The following CTTNBP2NL variants were observed in gnomAD, a reference collection of about 807,000 sequenced individuals.
The protein encoded by CTTNBP2NL is CTTNBP2 N-terminal like.
A neutral mutation model predicts 32.5 loss-of-function variants in CTTNBP2NL; 16 were observed. That is an observed-to-expected ratio of 0.49 (90% CI 0.33 to 0.75). The LOEUF (loss-of-function observed/expected upper bound fraction) is 0.75, where lower values mean the gene tolerates loss of function less well. CTTNBP2NL is among the 30% of genes least tolerant of loss of function. CTTNBP2NL has a pLI of 0.02. For synonymous variants in CTTNBP2NL, 298 were observed against 289.4 expected, an observed-to-expected ratio of 1.03 and a Z score of -0.30; for missense variants, 645 against 756.0, an observed-to-expected ratio of 0.85 and a Z score of 1.72.
chr1:112,415,314 T>A (rs1221161482), intron 2 of CTTNBP2NL, among the ~76,000 whole-genome samples: 1 of 152,210 alleles, frequency 6.6e-6, no homozygotes, highest in Non-Finnish European at 1.5e-5. Context: ...TTAGCTATTG[T>A]CTGTGAAAGC....
At chr1:112,422,895 C>A (rs528013483) in intron 3 of CTTNBP2NL, among the ~76,000 whole-genome samples, 1 of 152,202 alleles carries the variant, frequency 6.6e-6, no homozygotes, top group South Asian at 2.1e-4. Flanking sequence ...TGGGCTCCAG[C>A]AATCCTCCAG....
chr1:112,441,939 T>G (rs1233232836), intron 3 of CTTNBP2NL, among the ~76,000 whole-genome samples: 2 of 152,128 alleles, frequency 1.3e-5, no homozygotes, highest in African/African-American at 4.8e-5. Flanking sequence ...AAAAAGAGAT[T>G]AGGATCTAAT....
rs546512668 is a variant in CTTNBP2NL, at chr1:112,412,233, A to G, written c.-94A>G. ...CCACCATGCTAATGGCATTTTAAAT[A>G]TATTTGGCAATTTTCCCAATTTTTT... On this transcript the variant is annotated 5_prime_UTR_variant, in exon 2 of 6. It adds an upstream start codon to the 5' untranslated region. Coordinates refer to ENST00000271277, the MANE Select transcript of CTTNBP2NL (RefSeq NM_018704.3). 3 of 152,194 alleles carry G rather than the reference A, an allele frequency of 2.0e-5. No individual in the cohort carries two copies. The highest frequency in any genetic ancestry group is 4.4e-5 in the Non-Finnish European group (3 of 68,032). The allele number at this position is 152,194 out of a possible 1,614,324, so 9.4% of individuals were successfully genotyped here. A position where few individuals can be genotyped will look rare whatever the true frequency, so the allele number is the denominator to read the frequency against.
rs56784970 is a variant in CTTNBP2NL at position 112,400,966 on chromosome 1, CAAAAAAA to C, written c.-134+4712_-134+4718del. On this transcript the variant is annotated intron_variant, in intron 1 of 5. Transcript: ENST00000271277. ...GGGTGACACAGCAAGACTCTGTCACCAAAAAAAAAAAAAAAAAAAAAAAAGGATTACA... is the reference window on the plus strand; with the variant it reads ...GGGTGACACAGCAAGACTCTGTCACCAAAAAAAAAAAAAAAAAGGATTACA... 1.7e-3 allele frequency among the ~76,000 whole-genome samples: 179 copies of C among 102,892 alleles called. 1 individual carries two copies. The highest frequency in any genetic ancestry group is 6.4e-3 in the African/African-American group (166 of 25,832). The allele number at this position is 102,892 out of a possible 152,430, so 67.5% of individuals were successfully genotyped here. A position where few individuals can be genotyped will look rare whatever the true frequency, so the allele number is the denominator to read the frequency against.
In CTTNBP2NL at chr1:112,457,397, G is replaced by T; in HGVS notation, c.1905G>T (p.Leu635Phe). The T allele has an allele frequency of 6.2e-7, 1 of 1,611,504 alleles. No individual in the cohort carries two copies. The highest frequency in any genetic ancestry group is 1.1e-5 in the South Asian group (1 of 90,750). Residue 635 changes from leucine to phenylalanine, a missense_variant, in exon 6 of 6, where the codon TTG (leucine) becomes TTT (phenylalanine). Physicochemically the swap from Leu to Phe is conservative, Grantham distance 22. Transcript: ENST00000271277. Reference protein sequence around the residue: ...VANGKDVELLLPTSS With the variant: ...VANGKDVELLFPTSS The stretch of plus-strand genomic sequence containing the variant: ...ATGGTAAGGATGTTGAGTTACTTTT[G>T]CCTACCAGCAGCTAGTCCCTAGGAG...
intron 3 of CTTNBP2NL, among the ~76,000 whole-genome samples, chr1:112,421,651 C>G (rs1041218572): frequency 4.6e-5 from 7 of 150,836 alleles, no homozygotes; most frequent in African/African-American, 1.7e-4. Context: ...GAAAGAAATA[C>G]TGATAATAGG....
intron 1 of CTTNBP2NL, among the ~76,000 whole-genome samples, chr1:112,401,479 C>T (rs1359526846): frequency 6.6e-6 from 1 of 152,196 alleles, no homozygotes; most frequent in East Asian, 1.9e-4. Context: ...TCCTGAATGT[C>T]ATATAAATGG....
intron 3 of CTTNBP2NL, among the ~76,000 whole-genome samples, chr1:112,440,906 CTG>C (rs1649873802): frequency 8.2e-6 from 1 of 121,490 alleles, no homozygotes; most frequent in African/African-American, 2.7e-5. Flanking sequence ...GTTAACGTCT[CTG>C]TTGTTTTTGC....
In CTTNBP2NL at chr1:112,457,382, T is replaced by A. The variant is rs192269995; in HGVS notation, c.1890T>A (p.Asp630Glu). 1 of 1,613,138 alleles carries A rather than the reference T, an allele frequency of 6.2e-7. No homozygotes were observed. Among genetic ancestry groups the A allele is most frequent in the African/African-American group, 1.3e-5 (1 of 75,048 alleles). Residue 630 changes from aspartate (D) to glutamate (E), a missense_variant, in exon 6 of 6, where the codon GAT (aspartate) becomes GAA (glutamate). Transcript: ENST00000271277. ...SSNTVVANGK[D>E]VELLLPTSS The stretch of plus-strand genomic sequence containing the variant: ...ATACTGTTGTAGCAAATGGTAAGGA[T>A]GTTGAGTTACTTTTGCCTACCAGCA...
At chr1:112,430,265 G>A (rs974477134) in intron 3 of CTTNBP2NL, among the ~76,000 whole-genome samples, 5 of 147,860 alleles carry the variant, frequency 3.4e-5, no homozygotes, top group Non-Finnish European at 4.4e-5. Context: ...TCACTCTGTC[G>A]CCCATGCTGG....
chr1:112,427,088 T>A (rs1649427330), intron 3 of CTTNBP2NL, among the ~76,000 whole-genome samples: 1 of 152,202 alleles, frequency 6.6e-6, no homozygotes, highest in Admixed American at 6.5e-5. Context: ...AAAGTGTGAA[T>A]TTTTATACCT....
intron 3 of CTTNBP2NL, among the ~76,000 whole-genome samples, chr1:112,430,298 T>C (rs1285461653): frequency 6.6e-6 from 1 of 151,986 alleles, no homozygotes; most frequent in Non-Finnish European, 1.5e-5. Flanking sequence ...TGATCTCAGC[T>C]CACTGCAACC....
At chr1:112,414,619 G>A (rs1481902695) in intron 2 of CTTNBP2NL, 1 of 152,150 alleles carries the variant, frequency 6.6e-6, no homozygotes, top group African/African-American at 2.4e-5. Flanking sequence ...CATAAGAGTG[G>A]CAATTTGAAA....
Position 112,456,764 on chromosome 1 carries a change from A to G in CTTNBP2NL, c.1272A>G (p.Thr424=). 1 of 1,613,796 alleles carries G rather than the reference A, an allele frequency of 6.2e-7. No individual in the cohort carries two copies. The highest frequency in any genetic ancestry group is 8.5e-7 in the Non-Finnish European group (1 of 1,179,958). ...SPSSTASSSL[T]SSPCSSPVLT... ...GCAGCACTGCCTCCTCCTCTCTAAC[A>G]TCCTCTCCTTGCTCTTCGCCGGTAC... Residue 424 remains threonine, a synonymous_variant, in exon 6 of 6, where the codon ACA becomes ACG. Coordinates refer to ENST00000271277, the MANE Select transcript of CTTNBP2NL (RefSeq NM_018704.3).
rs1406694496 is a variant in CTTNBP2NL, at chr1:112,458,940, A to C, written c.*1528A>C. The C allele has an allele frequency of 6.6e-6, 1 of 152,228 alleles. No individual in the cohort carries two copies. Among genetic ancestry groups the C allele is most frequent in the Non-Finnish European group, 1.5e-5 (1 of 68,032 alleles). The allele number at this position is 152,228 out of a possible 1,614,324, so 9.4% of individuals were successfully genotyped here. The stretch of plus-strand genomic sequence containing the variant: ...GGAGCAGTGGGAGCTGTGGCAAACT[A>C]AAGTGCCCAAGCCGCATTTAAAAAG... On this transcript the variant is annotated 3_prime_UTR_variant, in exon 6 of 6. Coordinates refer to ENST00000271277, the MANE Select transcript of CTTNBP2NL (RefSeq NM_018704.3).
At chr1:112,400,905 G>A (rs1283493617) in intron 1 of CTTNBP2NL, among the ~76,000 whole-genome samples, 1 of 146,648 alleles carries the variant, frequency 6.8e-6, no homozygotes, top group African/African-American at 2.6e-5. Flanking sequence ...GGTGGAGGTT[G>A]TAGTGAGCTA....
chr1:112,407,861 T>TTTTTTG (rs1648719911), intron 1 of CTTNBP2NL, among the ~76,000 whole-genome samples: 2 of 136,482 alleles, frequency 1.5e-5, no homozygotes, highest in South Asian at 2.2e-4. Flanking sequence ...TTTTTTTTTT[T>TTTTTTG]TGAGGCAGGG....
At chr1:112,408,871 A>G (rs982380570) in intron 1 of CTTNBP2NL, among the ~76,000 whole-genome samples, 5 of 152,090 alleles carry the variant, frequency 3.3e-5, no homozygotes, top group African/African-American at 1.2e-4. Context: ...TCACACCTAT[A>G]ATCCCAGCAC....
At position 112,460,055 on chromosome 1, in the gene CTTNBP2NL, A is replaced by G. The variant is rs934944959; in HGVS notation, c.*2643A>G. 1.4e-4 allele frequency: 22 copies of G among 152,284 alleles called. No homozygotes were observed. Among genetic ancestry groups the G allele is most frequent in the African/African-American group, 5.1e-4 (21 of 41,556 alleles). 9.4% of individuals were successfully genotyped at this position (152,284 alleles called of 1,614,324 possible). On this transcript the variant is annotated 3_prime_UTR_variant, in exon 6 of 6. Coordinates refer to ENST00000271277, the MANE Select transcript of CTTNBP2NL (RefSeq NM_018704.3). ...TGTGTGTGTGCTAAGTAAAAGTTCC[A>G]TGATTCACAATTTTAGTATTAACCC... is the stretch of plus-strand genomic sequence containing the variant.
Sources: gnomAD v4.1 joint callset for allele counts (sites outside exome capture counted in the v4.1 genomes callset) on GRCh38, gnomAD v4.1.1 for gene constraint, MANE v1.5 for transcripts, NCBI Gene and HGNC (gene_info 2026-07-23, HGNC 2026-07-21) for gene names.